Variants in TOPAZ1 observed in about 807,000 individuals in gnomAD.
The protein encoded by TOPAZ1 is protein TOPAZ1.
A neutral mutation model predicts 172.2 loss-of-function variants in TOPAZ1; 66 were observed. That is an observed-to-expected ratio of 0.38 (90% CI 0.31 to 0.47). The LOEUF is 0.47. Among genes scored for constraint, TOPAZ1 ranks in the 20% least tolerant of loss-of-function variants. TOPAZ1 has a pLI of 0.99. For synonymous variants in TOPAZ1, 681 were observed against 683.9 expected (o/e 1.00, Z 0.07); for missense variants, 1,822 against 1,972.4 (o/e 0.92, Z 1.44).
At chr3:44,314,138 A>G (rs893514645) in intron 16 of TOPAZ1, among the ~76,000 whole-genome samples, 1 of 152,154 alleles carries the variant, frequency 6.6e-6, no homozygotes, top group Non-Finnish European at 1.5e-5. Flanking sequence ...CGTGTTAGCT[A>G]GGATGGTCTC....
At chr3:44,300,272 A>C (rs1357772914) in intron 12 of TOPAZ1, among the ~76,000 whole-genome samples, 2 of 152,060 alleles carry the variant, frequency 1.3e-5, no homozygotes, top group Non-Finnish European at 2.9e-5. Context: ...ATCTCTACTA[A>C]AAATAACAAA....
intron 12 of TOPAZ1, among the ~76,000 whole-genome samples, chr3:44,294,205 A>G (rs928065066): frequency 6.6e-6 from 1 of 151,796 alleles, no homozygotes; most frequent in Admixed American, 6.6e-5. Context: ...GTGCCACTGC[A>G]CTCCATTCTG....
Position 44,244,223 on chromosome 3 carries a change from T to G in TOPAZ1, c.1717T>G (p.Ser573Ala), listed in dbSNP as rs1217039115. ...EKLDSNSNCL[S>A]SVSAVEPTLM... ...ATTAGATTCTAATTCTAATTGTTTG[T>G]CTTCAGTTTCTGCAGTAGAACCTAC... is the stretch of plus-strand genomic sequence containing the variant. The change falls in exon 2 of 20, where the codon TCT (serine) becomes GCT (alanine). Residue 573 changes from serine (S) to alanine (A), a missense_variant. Around this residue, in one of 2 missense-constraint regions of TOPAZ1, gnomAD observed 1,489 missense variants for 1,490.8 expected, o/e 1.00. Transcript: ENST00000309765. The G allele has an allele frequency of 1.9e-6, 3 of 1,549,482 alleles. No homozygotes were observed. In the East Asian group the frequency reaches 7.3e-5, roughly 38 times the overall value.
chr3:44,315,624 G>T (rs1304245590), intron 16 of TOPAZ1, among the ~76,000 whole-genome samples: 1 of 150,214 alleles, frequency 6.7e-6, no homozygotes, highest in Non-Finnish European at 1.5e-5. Context: ...CGCCCACCTT[G>T]GCCTCCCAAA....
intron 12 of TOPAZ1, among the ~76,000 whole-genome samples, chr3:44,299,666 G>A (rs572723004): frequency 4.6e-5 from 7 of 151,908 alleles, no homozygotes; most frequent in East Asian, 1.9e-4. Flanking sequence ...TGTTTATTGC[G>A]GCACTATTCA....
chr3:44,281,778 A>G (rs1364766627), intron 8 of TOPAZ1, among the ~76,000 whole-genome samples, 190 bp from the exon 9 acceptor site: 3 of 152,248 alleles, frequency 2.0e-5, no homozygotes, highest in South Asian at 2.1e-4. Flanking sequence ...TTAAAAAATA[A>G]CATAAGATTT....
rs534088207 is a variant in TOPAZ1 at position 44,255,067 on chromosome 3, C to T, written c.2827+38C>T. 1.5e-5 allele frequency: 22 copies of T among 1,454,476 alleles called. No individual in the cohort carries two copies. In the East Asian group the frequency reaches 5.2e-4, roughly 34 times the overall value. 90.1% of individuals were successfully genotyped at this position (1,454,476 alleles called of 1,614,324 possible). The stretch of plus-strand genomic sequence containing the variant: ...ATTTTCAGAATATGCAATATTGAAG[C>T]ATCTCTTTATATCTCCATTCAGGCC... On this transcript the variant is annotated intron_variant, in intron 3 of 19. Coordinates refer to ENST00000309765, the MANE Select transcript of TOPAZ1 (RefSeq NM_001145030.2).
chr3:44,277,221 T>C (rs1263361008), intron 8 of TOPAZ1, among the ~76,000 whole-genome samples: 1 of 152,212 alleles, frequency 6.6e-6, no homozygotes, highest in African/African-American at 2.4e-5. Flanking sequence ...TTTACCTCAT[T>C]GGGTAAATTT....
chr3:44,267,237 G>A (rs997952445), intron 6 of TOPAZ1, 101 bp downstream of exon 6: 4 of 911,526 alleles, frequency 4.4e-6, no homozygotes, highest in Non-Finnish European at 4.6e-6. Context: ...AAGAAAAATG[G>A]AATCATGTAG....
intron 16 of TOPAZ1, among the ~76,000 whole-genome samples, chr3:44,320,478 G>A (rs1241028846): frequency 1.3e-5 from 2 of 151,998 alleles, no homozygotes; most frequent in Non-Finnish European, 2.9e-5. Context: ...CGCGCCTGTA[G>A]TCCCAGCTAC....
At chr3:44,274,191 T>C (rs1446821209) in intron 8 of TOPAZ1, among the ~76,000 whole-genome samples, 1 of 148,692 alleles carries the variant, frequency 6.7e-6, no homozygotes, top group Non-Finnish European at 1.5e-5. Context: ...AGGCAGATCA[T>C]TTGAGGTCAG....
chr3:44,327,310 T>C (rs1700611002), intron 18 of TOPAZ1, among the ~76,000 whole-genome samples: 1 of 152,200 alleles, frequency 6.6e-6, no homozygotes, highest in East Asian at 1.9e-4. Context: ...TAAGCAAAAT[T>C]TACATACATA....
chr3:44,271,932 C>A (rs1699903830), intron 8 of TOPAZ1, among the ~76,000 whole-genome samples: 1 of 152,166 alleles, frequency 6.6e-6, no homozygotes, highest in Admixed American at 6.5e-5. Flanking sequence ...CCCCTGTCCT[C>A]TGGTAACTAC....
chr3:44,291,667 T>TA (rs1272196671), intron 12 of TOPAZ1, among the ~76,000 whole-genome samples: 16 of 150,042 alleles, frequency 1.1e-4, no homozygotes, highest in Admixed American at 7.3e-4. Flanking sequence ...ATAATGTACT[T>TA]ACACCAAGAA....
chr3:44,300,903 A>G (rs1182891413), intron 12 of TOPAZ1, among the ~76,000 whole-genome samples: 1 of 152,160 alleles, frequency 6.6e-6, no homozygotes, highest in Non-Finnish European at 1.5e-5. Flanking sequence ...GAGTAGTTAT[A>G]GTTAAACTGT....
chr3:44,322,703 G>C (rs1472553467), intron 17 of TOPAZ1, among the ~76,000 whole-genome samples: 1 of 152,104 alleles, frequency 6.6e-6, no homozygotes, highest in East Asian at 1.9e-4. Flanking sequence ...TATGGCCATA[G>C]ATGAGCCCAG....
In TOPAZ1 at chr3:44,244,281, A is replaced by T; in HGVS notation, c.1775A>T (p.Asp592Val). ...GTTATAAAGGAACCTATAATCAAGG[A>T]TGATAAAAAGATAAAATCAGAGGAA... ...LMVIKEPIIK[D>V]DKKIKSEELS... The change falls in exon 2 of 20, where the codon GAT becomes GTT. Residue 592 changes from aspartate to valine, a missense_variant. By Grantham distance (152) the Asp-to-Val change is radical (BLOSUM62 -3). Transcript: ENST00000309765. The T allele has an allele frequency of 6.4e-7, 1 of 1,550,548 alleles. No homozygotes were observed. Among genetic ancestry groups the T allele is most frequent in the Non-Finnish European group, 8.7e-7 (1 of 1,146,686 alleles).
Position 44,264,603 on chromosome 3 carries a change from A to G in TOPAZ1, c.3020+2120A>G, listed in dbSNP as rs184823583. ...GGCAATTTCTTAAAATAAGACAACAATGAAGTTTGCTGCATCAGTTGACAC... is the reference window on the plus strand; with the variant it reads ...GGCAATTTCTTAAAATAAGACAACAGTGAAGTTTGCTGCATCAGTTGACAC... On this transcript the variant is annotated intron_variant, in intron 5 of 19. Transcript: ENST00000309765. Among the ~76,000 whole-genome samples, 895 of 152,296 alleles carry G rather than the reference A, an allele frequency of 5.9e-3. 8 individuals are homozygous for G. Among genetic ancestry groups the G allele is most frequent in the Non-Finnish European group, 7.5e-3 (509 of 68,016 alleles).
Position 44,242,012 on chromosome 3 carries a change from G to C in TOPAZ1, c.-42G>C, listed in dbSNP as rs1208663177. 1 of 1,521,392 alleles carries C rather than the reference G, an allele frequency of 6.6e-7. No individual in the cohort carries two copies. The highest frequency in any genetic ancestry group is 1.2e-5 in the South Asian group (1 of 83,012). 94.2% of individuals were successfully genotyped at this position (1,521,392 alleles called of 1,614,324 possible). On this transcript the variant is annotated 5_prime_UTR_variant, in exon 1 of 20. Transcript: ENST00000309765. ...CGTTTGCACCGCGGTGGGTTCCTGC[G>C]AGCTGGTGCAGAGGGGCCCCAGCGG...
Sources: gnomAD v4.1 joint callset for allele counts (sites outside exome capture counted in the v4.1 genomes callset) on GRCh38, gnomAD v4.1.1 for gene constraint, gnomAD v4.1.1 regional missense constraint, MANE v1.5 for transcripts, NCBI Gene and HGNC (gene_info 2026-07-23, HGNC 2026-07-21) for gene names.